SDCCAG8: variants seen among roughly 807,000 people sequenced by gnomAD.
SDCCAG8 encodes the protein serologically defined colon cancer antigen 8.
Under a neutral mutation model 101.8 loss-of-function variants are expected in SDCCAG8, and 74 were observed. The observed-to-expected ratio is 0.73, with a 90% CI of 0.60 to 0.88. The LOEUF (loss-of-function observed/expected upper bound fraction) is 0.88. SDCCAG8 is among the 40% of genes least tolerant of loss of function. The pLI, the probability that SDCCAG8 is intolerant of heterozygous loss-of-function variation, is 0.00. For missense variants in SDCCAG8, 787 were observed against 822.6 expected (o/e 0.96, Z 0.53); for synonymous variants, 281 against 292.9 (o/e 0.96, Z 0.41).
rs555756034 is a variant in SDCCAG8 at position 243,286,907 on chromosome 1, G to A, written c.546+510G>A. 4.6e-5 allele frequency among the ~76,000 whole-genome samples: 7 copies of A among 152,290 alleles called. No homozygotes were observed. The East Asian group carries it at 5.8e-4, about 13-fold the overall frequency. Reference sequence around the variant, plus strand: ...AGAAGGTTTTACATAGCTTAATCACGTATGTCCTTTATTTCTTTATTGGTA... The same window carrying A: ...AGAAGGTTTTACATAGCTTAATCACATATGTCCTTTATTTCTTTATTGGTA... On this transcript the variant is annotated intron_variant, in intron 5 of 17. Transcript: ENST00000366541.
At chr1:243,256,304 AC>A in intron 1 of SDCCAG8, 64 bp downstream of exon 1, 1 of 1,395,472 alleles carries the variant, frequency 7.2e-7, no homozygotes. Context: ...GCGGGAGCAG[AC>A]CAGGTGCGTT....
At position 243,370,661 on chromosome 1, in the gene SDCCAG8, A is replaced by G. The variant is rs190024877; in HGVS notation, c.1474-8060A>G. Among the ~76,000 whole-genome samples, 523 of 152,210 alleles carry G rather than the reference A, an allele frequency of 3.4e-3. 4 individuals carry two copies. Among genetic ancestry groups the G allele is most frequent in the Non-Finnish European group, 6.5e-3 (439 of 67,986 alleles). ...TTTAGACACATACTTTTAGAAAGGC[A>G]CTTCTTTCTTGCCATAGTTCCATTT... On this transcript the variant is annotated intron_variant, in intron 12 of 17. Transcript: ENST00000366541.
intron 13 of SDCCAG8, among the ~76,000 whole-genome samples, chr1:243,390,575 G>A (rs949283760): frequency 2.6e-5 from 4 of 152,128 alleles, no homozygotes; most frequent in Non-Finnish European, 5.9e-5. Flanking sequence ...ACGTTCCCTG[G>A]CTCGCTCCTC....
chr1:243,422,942 T>A (rs2081105253), intron 15 of SDCCAG8, among the ~76,000 whole-genome samples: 2 of 152,180 alleles, frequency 1.3e-5, no homozygotes, highest in Admixed American at 1.3e-4. Context: ...TATCCTTTTA[T>A]ATGACACAGG....
At chr1:243,393,671 A>G (rs2078861676) in intron 13 of SDCCAG8, among the ~76,000 whole-genome samples, 1 of 152,180 alleles carries the variant, frequency 6.6e-6, no homozygotes, top group South Asian at 2.1e-4. Flanking sequence ...TGGCAATCTA[A>G]TGTATACAGT....
intron 15 of SDCCAG8, among the ~76,000 whole-genome samples, chr1:243,423,318 A>G (rs2081135531): frequency 6.6e-6 from 1 of 152,126 alleles, no homozygotes; most frequent in Non-Finnish European, 1.5e-5. Context: ...CCAGCTAGAG[A>G]TAACTATTCT....
At chr1:243,464,232 G>A (rs763033571) in intron 16 of SDCCAG8, among the ~76,000 whole-genome samples, 16 of 152,170 alleles carry the variant, frequency 1.1e-4, no homozygotes, top group Admixed American at 2.6e-4. Context: ...TACACGAATT[G>A]TTTTCGGGGA....
chr1:243,360,864 CTA>C (rs2076670813), intron 12 of SDCCAG8, among the ~76,000 whole-genome samples: 2 of 152,044 alleles, frequency 1.3e-5, no homozygotes, highest in African/African-American at 4.8e-5. Flanking sequence ...AAAAAACAAC[CTA>C]TGTCTGATCT....
chr1:243,414,860 T>C (rs2080455533), intron 13 of SDCCAG8, among the ~76,000 whole-genome samples: 1 of 151,848 alleles, frequency 6.6e-6, no homozygotes. Flanking sequence ...TGTGTGTGTG[T>C]GTGTGTGTGT....
At chr1:243,453,259 G>A (rs1025953417) in intron 16 of SDCCAG8, among the ~76,000 whole-genome samples, 2 of 152,060 alleles carry the variant, frequency 1.3e-5, no homozygotes, top group Non-Finnish European at 2.9e-5. Flanking sequence ...CCATCCCACC[G>A]GCTGTACTCT....
chr1:243,445,995 G>T (rs968687670), intron 16 of SDCCAG8, among the ~76,000 whole-genome samples: 1 of 152,212 alleles, frequency 6.6e-6, no homozygotes, highest in African/African-American at 2.4e-5. Context: ...ACTTTAGGAA[G>T]TAGAGCACAA....
chr1:243,259,373 C>T (rs1235082389), intron 1 of SDCCAG8, among the ~76,000 whole-genome samples: 1 of 151,998 alleles, frequency 6.6e-6, no homozygotes, highest in Non-Finnish European at 1.5e-5. Flanking sequence ...CGCCACTGCA[C>T]TCCAGCCTGG....
At chr1:243,319,975 T>C (rs1170534070) in intron 9 of SDCCAG8, among the ~76,000 whole-genome samples, 1 of 151,942 alleles carries the variant, frequency 6.6e-6, no homozygotes, top group Non-Finnish European at 1.5e-5. Flanking sequence ...TTTTTATCTC[T>C]CATTTTATCT....
intron 8 of SDCCAG8, among the ~76,000 whole-genome samples, chr1:243,309,691 TG>T (rs573827085): frequency 6.6e-6 from 1 of 152,094 alleles, no homozygotes; most frequent in Non-Finnish European, 1.5e-5. Flanking sequence ...TTGGTAGAGA[TG>T]GGGTCTCACT....
intron 6 of SDCCAG8, among the ~76,000 whole-genome samples, chr1:243,298,350 C>CT (rs35061154): frequency 0.39 from 20,136 of 51,344 alleles, 3,800 homozygotes; most frequent in East Asian, 0.62. Context: ...CGCACCCTGC[C>CT]TTTTTTTTTT....
At position 243,471,989 on chromosome 1, in the gene SDCCAG8, A is replaced by G. The variant is rs6692168; in HGVS notation, c.1986-17025A>G. Among the ~76,000 whole-genome samples, 655 of 152,284 alleles carry G rather than the reference A, an allele frequency of 4.3e-3. 5 individuals carry two copies. Among genetic ancestry groups the G allele is most frequent in the African/African-American group, 0.015 (613 of 41,554 alleles). ...TCAACTGTGGTCAGGTTCTCAGGCC[A>G]TTCTTATTTTGGGAGGCTGGAGGCG... On this transcript the variant is annotated intron_variant, in intron 16 of 17. Coordinates refer to ENST00000366541, the MANE Select transcript of SDCCAG8 (RefSeq NM_006642.5).
At chr1:243,446,578 C>T (rs1290881342) in intron 16 of SDCCAG8, among the ~76,000 whole-genome samples, 1 of 152,108 alleles carries the variant, frequency 6.6e-6, no homozygotes, top group Non-Finnish European at 1.5e-5. Context: ...TTCTTTGTGT[C>T]AGAGAAAGGC....
intron 5 of SDCCAG8, among the ~76,000 whole-genome samples, chr1:243,291,595 T>C (rs1420107031): frequency 1.3e-5 from 2 of 152,216 alleles, no homozygotes; most frequent in Non-Finnish European, 2.9e-5. Flanking sequence ...TTACTGAAGA[T>C]AAATATTTTT....
At chr1:243,330,440 G>A in intron 9 of SDCCAG8, 100 bp from the exon 10 acceptor site, 1 of 1,227,902 alleles carries the variant, frequency 8.1e-7, no homozygotes, top group South Asian at 1.3e-5. Context: ...TTTATAGTGA[G>A]TTTTTGCTAT....
Sources: gnomAD v4.1 joint callset for allele counts (sites outside exome capture counted in the v4.1 genomes callset) on GRCh38, gnomAD v4.1.1 for gene constraint, MANE v1.5 for transcripts, NCBI Gene and HGNC (gene_info 2026-07-23, HGNC 2026-07-21) for gene names.